DNAH17: variants seen among roughly 807,000 people sequenced by gnomAD.
DNAH17 encodes the protein dynein axonemal heavy chain 17.
In DNAH17, 376 loss-of-function variants were observed where a neutral mutation model predicts 485.6. The ratio of observed to expected loss-of-function variants is 0.77; its 90% CI spans 0.71 to 0.84. The LOEUF is 0.84. DNAH17 is among the 40% of genes least tolerant of loss of function. The probability of loss-of-function intolerance (pLI) is 0.00; values close to 1 mark genes in which losing one functional copy is unlikely to be tolerated. For synonymous variants in DNAH17, 3,031 were observed against 2,405.9 expected (o/e 1.26, Z -7.60); for missense variants, 6,370 against 5,839.3 (o/e 1.09, Z -2.96).
intron 56 of DNAH17, among the ~76,000 whole-genome samples, chr17:78,463,679 G>C (rs1172960575): frequency 6.6e-6 from 1 of 152,240 alleles, no homozygotes; most frequent in Admixed American, 6.5e-5. Context: ...AGGTAATTCT[G>C]CAAATATTTA....
At chr17:78,526,800 C>G (rs1475501714) in intron 23 of DNAH17, 63 bp from the exon 24 acceptor site, 3 of 1,560,574 alleles carry the variant, frequency 1.9e-6, no homozygotes, top group Non-Finnish European at 1.7e-6. Context: ...AAGGGTGGCC[C>G]CACCCTGTAT....
At chr17:78,467,985 T>G (rs934763937) in intron 55 of DNAH17, among the ~76,000 whole-genome samples, 1 of 140,744 alleles carries the variant, frequency 7.1e-6, no homozygotes, top group African/African-American at 2.7e-5. Context: ...GCCATTGCAC[T>G]CCAGCCTGGG....
chr17:78,574,870 A>G lies in DNAH17; in HGVS notation c.188T>C (p.Ile63Thr), dbSNP rs779328211. The stretch of plus-strand genomic sequence containing the variant: ...GGACTGGGGGAAGCCCAGGCAGGGT[A>G]TGATCATGCCGGCTGCATTGAGCGT... ...VLTLNAAGMI[I>T]PCLGFPQSLK... The change falls in exon 2 of 81, where the codon ATA becomes ACA. Residue 63 changes from isoleucine (I) to threonine (T), a missense_variant. By Grantham distance (89) the Ile-to-Thr change is moderately conservative. Transcript: ENST00000389840. 63 of 1,613,912 alleles carry G rather than the reference A, an allele frequency of 3.9e-5. No individual in the cohort carries two copies. Among genetic ancestry groups the G allele is most frequent in the Non-Finnish European group, 4.8e-5 (57 of 1,179,892 alleles).
chr17:78,483,967 G>C (rs766267871), intron 48 of DNAH17, among the ~76,000 whole-genome samples: 1 of 151,438 alleles, frequency 6.6e-6, no homozygotes, highest in African/African-American at 2.4e-5. Flanking sequence ...GTGGTGGTGG[G>C]CACCTGTATT....
chr17:78,434,342 G>A (rs1032665596), intron 74 of DNAH17, 122 bp from the exon 75 acceptor site: 1 of 877,312 alleles, frequency 1.1e-6, no homozygotes, highest in Non-Finnish European at 1.7e-6. Flanking sequence ...GCGGTGGGGG[G>A]TACAAAGCTG....
chr17:78,479,103 T>G lies in DNAH17; in HGVS notation c.7914A>C (p.Lys2638Asn), dbSNP rs374847155. 24 of 1,613,876 alleles carry G rather than the reference T, an allele frequency of 1.5e-5. No homozygotes were observed. Among genetic ancestry groups the G allele is most frequent in the Non-Finnish European group, 1.9e-5 (23 of 1,179,906 alleles). The part of the protein sequence containing the change: ...LVAAALALHQ[K>N]ITATFLPTAI... ...CCGTGGGAAGAAATGTTGCCGTGAT[T>G]TTCTGATGCAAAGCTGTTAGAGGAA... The change falls in exon 51 of 81, where the codon AAA becomes AAC. Residue 2638 changes from lysine to asparagine, a missense_variant. By Grantham distance (94) the Lys-to-Asn change is moderately conservative (BLOSUM62 0). Coordinates refer to ENST00000389840, the MANE Select transcript of DNAH17 (RefSeq NM_173628.4).
chr17:78,529,830 C>T (rs771524382), intron 21 of DNAH17, 136 bp from the exon 22 acceptor site: 71 of 802,930 alleles, frequency 8.8e-5, no homozygotes, highest in African/African-American at 3.6e-4. Context: ...GGGGAGGGAG[C>T]GCCCCTGCCC....
At position 78,485,457 on chromosome 17, in the gene DNAH17, T is replaced by C. The variant is rs984206774; in HGVS notation, c.7483+93A>G. The stretch of plus-strand genomic sequence containing the variant: ...AAGTGAGGAGGTGCAAAGTGGCTAG[T>C]GAGTGCCTGGGCCTGCAGTGAGAGG... On this transcript the variant is annotated intron_variant, in intron 47 of 80. Transcript: ENST00000389840. 18 of 1,245,624 alleles carry C rather than the reference T, an allele frequency of 1.4e-5. No individual in the cohort carries two copies. In the African/African-American group the frequency reaches 2.4e-4, roughly 16 times the overall value. 77.2% of individuals were successfully genotyped at this position (1,245,624 alleles called of 1,614,324 possible).
rs759346385 is a variant in DNAH17, at chr17:78,558,168, C to G, written c.2118G>C (p.Glu706Asp). 2.5e-6 allele frequency: 4 copies of G among 1,613,804 alleles called. No individual in the cohort carries two copies. The highest frequency in any genetic ancestry group is 3.4e-6 in the Non-Finnish European group (4 of 1,179,832). Residue 706 changes from glutamate to aspartate, a missense_variant, in exon 14 of 81, where the codon GAG becomes GAC. Glu to Asp is a conservative substitution (Grantham distance 45). Transcript: ENST00000389840. ...CCACAAACTTCCGGAAAGTTTCGTTCTCTGAGAACAGACTCTCCGCACTGT... is the reference window on the plus strand; with the variant it reads ...CCACAAACTTCCGGAAAGTTTCGTTGTCTGAGAACAGACTCTCCGCACTGT... ...IPDSAESLFS[E>D]NETFRKFVGN...
chr17:78,465,128 C>T (rs588463), intron 56 of DNAH17, among the ~76,000 whole-genome samples: 140,823 of 152,194 alleles, frequency 0.93, 65,256 homozygotes, highest in African/African-American at 0.97. Flanking sequence ...GACGGGGTTT[C>T]GCTGTGTTGC....
In DNAH17 at chr17:78,486,106, T is replaced by C; in HGVS notation, c.7129A>G (p.Lys2377Glu). The C allele has an allele frequency of 6.2e-7, 1 of 1,613,898 alleles. No individual in the cohort carries two copies. Among genetic ancestry groups the C allele is most frequent in the Non-Finnish European group, 8.5e-7 (1 of 1,179,846 alleles). Reference protein sequence around the residue: ...QLVDYRVEFSKWWINEFKTIK... With the variant: ...QLVDYRVEFSEWWINEFKTIK... ...GTCTTGAATTCGTTGATCCACCATTTACTGAACTCCACTCGATAATCCACA... is the reference window on the plus strand; with the variant it reads ...GTCTTGAATTCGTTGATCCACCATTCACTGAACTCCACTCGATAATCCACA... Residue 2377 changes from lysine (K) to glutamate (E), a missense_variant, in exon 46 of 81, where the codon AAA (lysine) becomes GAA (glutamate). By Grantham distance (56) the Lys-to-Glu change is moderately conservative (BLOSUM62 1). Coordinates refer to ENST00000389840, the MANE Select transcript of DNAH17 (RefSeq NM_173628.4).
At chr17:78,449,666 G>A in intron 68 of DNAH17, 82 bp from the exon 69 acceptor site, 1 of 1,373,662 alleles carries the variant, frequency 7.3e-7, no homozygotes. Context: ...CCTGCCACCT[G>A]TGGTGGCCTC....
intron 11 of DNAH17, among the ~76,000 whole-genome samples, chr17:78,564,698 G>A (rs1319862045): frequency 1.3e-5 from 2 of 152,152 alleles, no homozygotes; most frequent in Admixed American, 6.5e-5. Flanking sequence ...TGCACTGCAG[G>A]AAATACTCAG....
In DNAH17 at chr17:78,560,875, C is replaced by T; in HGVS notation, c.1896G>A (p.Leu632=). 1 of 1,551,734 alleles carries T rather than the reference C, an allele frequency of 6.4e-7. No homozygotes were observed. The highest frequency in any genetic ancestry group is 8.7e-7 in the Non-Finnish European group (1 of 1,147,138). The stretch of plus-strand genomic sequence containing the variant: ...AGATCTTCTCGCGGTGGCACCTCAG[C>T]AGCTCCATCATCTCGTCATACTTCT... ...TYQKYDEMME[L]LRCHREKIYQ... The change falls in exon 13 of 81, where the codon CTG becomes CTA. Residue 632 remains leucine, a synonymous_variant. Coordinates refer to ENST00000389840, the MANE Select transcript of DNAH17 (RefSeq NM_173628.4).
intron 44 of DNAH17, among the ~76,000 whole-genome samples, chr17:78,488,494 T>C (rs963791679): frequency 6.6e-6 from 1 of 152,164 alleles, no homozygotes; most frequent in African/African-American, 2.4e-5. Context: ...TCTGCTCCCA[T>C]AGGGTGTCCC....
chr17:78,549,692 C>T (rs772297639), intron 16 of DNAH17, among the ~76,000 whole-genome samples: 33 of 152,126 alleles, frequency 2.2e-4, no homozygotes, highest in Non-Finnish European at 4.0e-4. Flanking sequence ...GAAAGTGCTG[C>T]CCTGGTCCTC....
chr17:78,547,780 G>A (rs1197809654), intron 16 of DNAH17, among the ~76,000 whole-genome samples: 1 of 152,070 alleles, frequency 6.6e-6, no homozygotes, highest in African/African-American at 2.4e-5. Context: ...ACCACACCTG[G>A]CTCCTTTTTG....
chr17:78,474,687 C>T lies in DNAH17; in HGVS notation c.8511+591G>A, dbSNP rs114960911. ...AGACACACTCTTCACCTCAGTCACA[C>T]GGACACGCACACTGGCTGGAAGGTT... On this transcript the variant is annotated intron_variant, in intron 54 of 80. Coordinates refer to ENST00000389840, the MANE Select transcript of DNAH17 (RefSeq NM_173628.4). 4.8e-3 allele frequency among the ~76,000 whole-genome samples: 712 copies of T among 146,864 alleles called. 3 individuals are homozygous for T. Among genetic ancestry groups the T allele is most frequent in the African/African-American group, 0.018 (685 of 38,968 alleles).
chr17:78,427,545 A>G (rs187200284), intron 77 of DNAH17, among the ~76,000 whole-genome samples: 4 of 152,324 alleles, frequency 2.6e-5, no homozygotes, highest in Admixed American at 2.0e-4. Flanking sequence ...CTGTCAGCCA[A>G]TTCCTGATTT....
Sources: allele counts gnomAD v4.1 joint callset (sites outside exome capture counted in the v4.1 genomes callset), GRCh38; gene constraint gnomAD v4.1.1; transcripts MANE v1.5; gene names NCBI Gene and HGNC (gene_info 2026-07-23, HGNC 2026-07-21).